The following PRPSAP2 variants were observed in gnomAD, a reference collection of about 807,000 sequenced individuals.
PRPSAP2 encodes phosphoribosyl pyrophosphate synthetase associated protein 2.
A neutral mutation model predicts 40.6 loss-of-function variants in PRPSAP2; 24 were observed. The ratio of observed to expected loss-of-function variants is 0.59; its 90% CI spans 0.43 to 0.83. The LOEUF (loss-of-function observed/expected upper bound fraction) is 0.83. Among genes scored for constraint, PRPSAP2 ranks in the 40% least tolerant of loss-of-function variants. The pLI, the probability that PRPSAP2 is intolerant of heterozygous loss-of-function variation, is 0.00. For missense variants in PRPSAP2, 292 were observed against 465.6 expected, an observed-to-expected ratio of 0.63 and a Z score of 3.43; for synonymous variants, 149 against 164.7, an observed-to-expected ratio of 0.90 and a Z score of 0.73.
rs143345926 is a variant in PRPSAP2 at position 18,865,897 on chromosome 17, T to G, written c.64T>G (p.Leu22Val). Reference protein sequence around the residue: ...KMNITKGGLVLFSANSNSSCM... With the variant: ...KMNITKGGLVVFSANSNSSCM... The stretch of plus-strand genomic sequence containing the variant: ...GAACATAACCAAAGGTGGTCTGGTG[T>G]TGTTTTCAGCAAACTCGAATTCATC... Residue 22 changes from leucine to valine, a missense_variant, in exon 3 of 12, where the codon TTG becomes GTG. Around this residue, in one of 2 missense-constraint regions of PRPSAP2, gnomAD observed 51 missense variants for 40.0 expected, o/e 1.28. Transcript: ENST00000268835. 1.5e-3 allele frequency: 2,328 copies of G among 1,544,376 alleles called. 3 individuals are homozygous for G. The highest frequency in any genetic ancestry group is 2.2e-3 in the Admixed American group (123 of 56,608).
At chr17:18,921,834 G>T (rs1378611800) in intron 9 of PRPSAP2, among the ~76,000 whole-genome samples, 1 of 152,138 alleles carries the variant, frequency 6.6e-6, no homozygotes, top group Non-Finnish European at 1.5e-5. Context: ...TGAAGTCAAA[G>T]TCACATAACA....
At chr17:18,895,982 CT>C (rs1392518824) in intron 8 of PRPSAP2, among the ~76,000 whole-genome samples, 1 of 152,090 alleles carries the variant, frequency 6.6e-6, no homozygotes, top group Non-Finnish European at 1.5e-5. Context: ...TGTTTCTGGA[CT>C]GGTCTCAAAC....
chr17:18,894,349 G>C (rs1307764377), intron 8 of PRPSAP2, among the ~76,000 whole-genome samples: 1 of 152,048 alleles, frequency 6.6e-6, no homozygotes, highest in South Asian at 2.1e-4. Flanking sequence ...AGTAGAGATG[G>C]GGTTTCTCCA....
intron 6 of PRPSAP2, among the ~76,000 whole-genome samples, chr17:18,882,156 T>C (rs899167022): frequency 1.8e-4 from 27 of 152,090 alleles, no homozygotes; most frequent in African/African-American, 6.5e-4. Flanking sequence ...AATTTTTTAA[T>C]AGTAACTTAT....
intron 8 of PRPSAP2, among the ~76,000 whole-genome samples, chr17:18,901,927 A>AT (rs1436574566): frequency 2.0e-5 from 3 of 152,144 alleles, no homozygotes; most frequent in Non-Finnish European, 4.4e-5. Flanking sequence ...GACTGCAGGC[A>AT]TGTGCCACCA....
chr17:18,888,960 T>C (rs967812829), intron 7 of PRPSAP2, among the ~76,000 whole-genome samples: 1 of 152,264 alleles, frequency 6.6e-6, no homozygotes, highest in Non-Finnish European at 1.5e-5. Context: ...TTATTAACTG[T>C]TTTCTTGGTT....
intron 1 of PRPSAP2, chr17:18,861,489 A>G (rs1597497310): frequency 1.3e-5 from 2 of 152,190 alleles, no homozygotes; most frequent in East Asian, 3.8e-4. Flanking sequence ...GAAAAAAAAG[A>G]AAAATAAACA....
At chr17:18,925,776 C>A (rs2041933356) in intron 10 of PRPSAP2, among the ~76,000 whole-genome samples, 1 of 152,168 alleles carries the variant, frequency 6.6e-6, no homozygotes, top group African/African-American at 2.4e-5. Context: ...CCACATTATC[C>A]CCAGTGCTTG....
At chr17:18,894,698 C>T (rs2039808325) in intron 8 of PRPSAP2, among the ~76,000 whole-genome samples, 1 of 151,872 alleles carries the variant, frequency 6.6e-6, no homozygotes, top group Non-Finnish European at 1.5e-5. Context: ...TTGGCCAGGC[C>T]AGTCTTGAAC....
intron 9 of PRPSAP2, chr17:18,917,619 T>A (rs12947469): frequency 1.1e-5 from 1 of 92,518 alleles, no homozygotes; most frequent in Non-Finnish European, 2.1e-5. Flanking sequence ...TTTTTTTTTT[T>A]AGTAGAGACA....
At chr17:18,882,725 G>T (rs1293776298) in intron 7 of PRPSAP2, 42 bp downstream of exon 7, 1 of 1,276,128 alleles carries the variant, frequency 7.8e-7, no homozygotes, top group Admixed American at 1.8e-5. Context: ...TTCTGATTAA[G>T]GTTGAAAGAT....
intron 9 of PRPSAP2, among the ~76,000 whole-genome samples, chr17:18,919,545 G>A (rs187607029): frequency 3.3e-5 from 5 of 151,930 alleles, no homozygotes; most frequent in African/African-American, 1.2e-4. Flanking sequence ...TGGTGTGCCT[G>A]TAATCCCAGC....
Position 18,911,824 on chromosome 17 carries a change from T to A in PRPSAP2, c.733+573T>A, listed in dbSNP as rs1377464341. Among the ~76,000 whole-genome samples, 1 of 152,214 alleles carries A rather than the reference T, an allele frequency of 6.6e-6. No individual in the cohort carries two copies. Among genetic ancestry groups the A allele is most frequent in the African/African-American group, 2.4e-5 (1 of 41,468 alleles). ...ATGAAATACCTTAGACTGGGTAATATAAACAACAAATTTATTGCTCACAGT... is the reference window on the plus strand; with the variant it reads ...ATGAAATACCTTAGACTGGGTAATAAAAACAACAAATTTATTGCTCACAGT... On this transcript the variant is annotated intron_variant, in intron 9 of 11. Coordinates refer to ENST00000268835, the MANE Select transcript of PRPSAP2 (RefSeq NM_002767.4). This position sits in a 1 kb window ranked among gnomAD's most constrained non-coding sequence, Gnocchi z 4.5.
intron 10 of PRPSAP2, among the ~76,000 whole-genome samples, chr17:18,924,787 A>AG (rs1291431190): frequency 2.8e-5 from 4 of 145,134 alleles, no homozygotes; most frequent in African/African-American, 1.0e-4. Context: ...AAAAAAAAAA[A>AG]GTCATCCTGT....
chr17:18,923,077 CTATTTATTTATTTT>C (rs369035432), intron 9 of PRPSAP2, among the ~76,000 whole-genome samples: 14,546 of 149,944 alleles, frequency 0.097, 875 homozygotes, highest in African/African-American at 0.17. Flanking sequence ...TTATTTTTAT[CTATTTATTTATTTT>C]TATTTATTTA....
At chr17:18,908,011 C>G (rs1363679785) in intron 8 of PRPSAP2, among the ~76,000 whole-genome samples, 1 of 152,078 alleles carries the variant, frequency 6.6e-6, no homozygotes, top group African/African-American at 2.4e-5. Flanking sequence ...TGGTGGCACA[C>G]CCTGTAATCC....
Position 18,923,982 on chromosome 17 carries a change from G to A in PRPSAP2, c.802G>A (p.Val268Met). The A allele has an allele frequency of 6.2e-7, 1 of 1,610,142 alleles. No homozygotes were observed. The highest frequency in any genetic ancestry group is 8.5e-7 in the Non-Finnish European group (1 of 1,176,588). Residue 268 changes from valine to methionine, a missense_variant and splice_region_variant, in exon 10 of 12, where the codon GTG becomes ATG. Physicochemically the swap from Val to Met is conservative, Grantham distance 21. Around this residue, in one of 2 missense-constraint regions of PRPSAP2, gnomAD observed 241 missense variants for 425.7 expected, o/e 0.57. Coordinates refer to ENST00000268835, the MANE Select transcript of PRPSAP2 (RefSeq NM_002767.4). ...TGTTGGAGGAAGGATTGCCATCATC[G>A]TGGTATGTAGACCTCTTTTATTATT... is the stretch of plus-strand genomic sequence containing the variant. ...GDVGGRIAII[V>M]DDIIDDVDSF...
intron 9 of PRPSAP2, among the ~76,000 whole-genome samples, chr17:18,921,239 A>G (rs874637): frequency 0.16 from 23,702 of 146,366 alleles, 1,951 homozygotes; most frequent in Middle Eastern, 0.23. Flanking sequence ...GGCAGGAAAT[A>G]TATGTGGATA....
At chr17:18,899,895 C>G (rs1004311324) in intron 8 of PRPSAP2, among the ~76,000 whole-genome samples, 1 of 148,358 alleles carries the variant, frequency 6.7e-6, no homozygotes, top group Admixed American at 6.8e-5. Context: ...GTTTTTGGTT[C>G]TCTTTTTTTG....
Sources: allele counts gnomAD v4.1 joint callset (sites outside exome capture counted in the v4.1 genomes callset), GRCh38; gene constraint gnomAD v4.1.1; regional missense constraint gnomAD v4.1.1; non-coding constraint Gnocchi (gnomAD v3.1); transcripts MANE v1.5; gene names NCBI Gene and HGNC (gene_info 2026-07-23, HGNC 2026-07-21).